The following SPATA6L variants were observed in gnomAD, a reference collection of about 807,000 sequenced individuals.
SPATA6L encodes spermatogenesis associated 6 like.
SPATA6L carries 68 observed loss-of-function variants against 49.2 expected under a neutral mutation model. That is an observed-to-expected ratio of 1.38 (90% CI 1.14 to 1.69). The LOEUF (loss-of-function observed/expected upper bound fraction) is 1.69. Ranked by LOEUF, SPATA6L falls within the 40% of genes most tolerant of loss-of-function variation. SPATA6L has a pLI of 0.00. For synonymous variants in SPATA6L, 198 were observed against 165.7 expected, an observed-to-expected ratio of 1.19 and a Z score of -1.50; for missense variants, 668 against 464.3, an observed-to-expected ratio of 1.44 and a Z score of -4.03.
chr9:4,634,308 T>G (rs1014933776), intron 4 of SPATA6L, among the ~76,000 whole-genome samples: 1 of 152,194 alleles, frequency 6.6e-6, no homozygotes, highest in African/African-American at 2.4e-5. Flanking sequence ...ACATGTACCA[T>G]GGATTTAAAT....
At chr9:4,633,873 C>T (rs941808836) in intron 4 of SPATA6L, 18 of 152,078 alleles carry the variant, frequency 1.2e-4, no homozygotes, top group Non-Finnish European at 2.2e-4. Flanking sequence ...GAAATTGAGT[C>T]CCTCTATCTA....
chr9:4,647,012 A>G (rs1415389651), intron 3 of SPATA6L, among the ~76,000 whole-genome samples: 1 of 152,066 alleles, frequency 6.6e-6, no homozygotes, highest in Non-Finnish European at 1.5e-5. Context: ...ACAAATCCCC[A>G]TGATACGGGT....
At chr9:4,595,270 T>G (rs773798147), downstream of SPATA6L, among the ~76,000 whole-genome samples, 1 of 152,112 alleles carries the variant, frequency 6.6e-6, no homozygotes, top group Non-Finnish European at 1.5e-5. Context: ...TAAGCACCCC[T>G]AAAATAAGTT....
At position 4,629,769 on chromosome 9, in the gene SPATA6L, G is replaced by GTATATATATA. The variant is rs35908661; in HGVS notation, c.352-611_352-602dup. Among the ~76,000 whole-genome samples the GTATATATATA allele has an allele frequency of 7.8e-3, 795 of 101,858 alleles. 8 individuals are homozygous for GTATATATATA. Among genetic ancestry groups the GTATATATATA allele is most frequent in the Middle Eastern group, 0.038 (7 of 182 alleles). The allele number at this position is 101,858 out of a possible 152,430, so 66.8% of individuals were successfully genotyped here. On this transcript the variant is annotated intron_variant, in intron 4 of 11. Coordinates refer to ENST00000682582, the MANE Select transcript of SPATA6L (RefSeq NM_001353486.2). Reference sequence around the variant, plus strand: ...GTGTTTTATATATGTGTGTGTGTGTGTATATATATATATATATATATATAT... The same window carrying GTATATATATA: ...GTGTTTTATATATGTGTGTGTGTGTGTATATATATATATATATATATATATATATATATAT...
At chr9:4,643,011 A>G (rs1437950266) in intron 3 of SPATA6L, among the ~76,000 whole-genome samples, 1 of 152,138 alleles carries the variant, frequency 6.6e-6, no homozygotes, top group East Asian at 1.9e-4. Context: ...ATATATTTTT[A>G]TCTATTTATT....
chr9:4,602,313 C>T (rs143371342), intron 11 of SPATA6L, among the ~76,000 whole-genome samples: 58 of 152,118 alleles, frequency 3.8e-4, no homozygotes, highest in African/African-American at 1.3e-3. Flanking sequence ...ATTGCCTAGA[C>T]GGCAATTATT....
downstream of SPATA6L, among the ~76,000 whole-genome samples, chr9:4,595,215 T>G (rs1822163998): frequency 6.6e-6 from 1 of 152,172 alleles, no homozygotes; most frequent in Non-Finnish European, 1.5e-5. Flanking sequence ...TAACCACTTC[T>G]TCCTTAAAAG....
intron 13 of SPATA6L, among the ~76,000 whole-genome samples, chr9:4,590,480 T>G (rs1490026310): frequency 1.3e-5 from 2 of 152,212 alleles, no homozygotes; most frequent in Non-Finnish European, 2.9e-5. Flanking sequence ...TGGTTTCATC[T>G]ACAAATCTCC....
chr9:4,659,859 C>A (rs922822665), intron 2 of SPATA6L, among the ~76,000 whole-genome samples: 3 of 152,028 alleles, frequency 2.0e-5, no homozygotes, highest in African/African-American at 7.2e-5. Flanking sequence ...GAACAGAGGC[C>A]CTCAGAAATA....
chr9:4,666,358 G>T lies in SPATA6L; in HGVS notation c.-108C>A. The T allele has an allele frequency of 8.4e-7, 1 of 1,196,660 alleles. No individual in the cohort carries two copies. Among genetic ancestry groups the T allele is most frequent in the Non-Finnish European group, 1.2e-6 (1 of 814,690 alleles). 74.1% of individuals were successfully genotyped at this position (1,196,660 alleles called of 1,614,324 possible). On this transcript the variant is annotated 5_prime_UTR_variant, in exon 1 of 12. Coordinates refer to ENST00000682582, the MANE Select transcript of SPATA6L (RefSeq NM_001353486.2). ...ATACCTAGAGCAAATGTTCCCAGAAGCTTCCCCAGTCCCACGCCCTTGTTC... is the reference window on the plus strand; with the variant it reads ...ATACCTAGAGCAAATGTTCCCAGAATCTTCCCCAGTCCCACGCCCTTGTTC...
chr9:4,605,341 T>G lies in SPATA6L; in HGVS notation c.1089+6A>C. 1 of 1,610,288 alleles carries G rather than the reference T, an allele frequency of 6.2e-7. No individual in the cohort carries two copies. Among genetic ancestry groups the G allele is most frequent in the Non-Finnish European group, 8.5e-7 (1 of 1,176,582 alleles). Reference sequence around the variant, plus strand: ...GCAAAGATCTAGTTTTATAAGAAAGTCTAACCTTGTTTTGGTGCAGCTGTG... The same window carrying G: ...GCAAAGATCTAGTTTTATAAGAAAGGCTAACCTTGTTTTGGTGCAGCTGTG... On this transcript the variant is annotated splice_donor_region_variant and intron_variant, in intron 10 of 11. Transcript: ENST00000682582.
At chr9:4,619,512 T>C (rs1383021031) in intron 7 of SPATA6L, among the ~76,000 whole-genome samples, 1 of 152,076 alleles carries the variant, frequency 6.6e-6, no homozygotes, top group Non-Finnish European at 1.5e-5. Flanking sequence ...CTAAAGTGAA[T>C]GAGTAAGTTC....
Position 4,592,370 on chromosome 9 carries a change from G to A in SPATA6L, c.*255-3409C>T, listed in dbSNP as rs74964537. ...GAACATTTTTATTTACTCAGCAGAC[G>A]TTGGCATTGCAATTACTATGTGGCA... On this transcript the variant is annotated intron_variant and NMD_transcript_variant, in intron 13 of 13. Coordinates refer to the SPATA6L transcript ENST00000461761. 9.8e-3 allele frequency among the ~76,000 whole-genome samples: 1,480 copies of A among 151,430 alleles called. 12 individuals are homozygous for A. Among genetic ancestry groups the A allele is most frequent in the East Asian group, 0.018 (95 of 5,152 alleles).
intron 2 of SPATA6L, among the ~76,000 whole-genome samples, chr9:4,658,698 A>G (rs1054220377): frequency 2.6e-5 from 4 of 152,146 alleles, no homozygotes; most frequent in African/African-American, 4.8e-5. Context: ...AAATATTTTT[A>G]AAGACTTTTA....
chr9:4,625,577 C>T lies in SPATA6L; in HGVS notation c.430-11G>A, dbSNP rs373864724. ...CTCATGTCTTTCTTCCTGAAATAAA[C>T]AAAAAAAGAATATTTTTTAAAATAA... On this transcript the variant is annotated splice_polypyrimidine_tract_variant and intron_variant, in intron 5 of 11. Transcript: ENST00000682582. 13 of 1,452,758 alleles carry T rather than the reference C, an allele frequency of 8.9e-6. No homozygotes were observed. Among genetic ancestry groups the T allele is most frequent in the East Asian group, 2.4e-5 (1 of 41,042 alleles). The allele number at this position is 1,452,758 out of a possible 1,614,324, so 90.0% of individuals were successfully genotyped here.
intron 7 of SPATA6L, among the ~76,000 whole-genome samples, chr9:4,619,753 G>A (rs1372275815): frequency 6.6e-6 from 1 of 151,910 alleles, no homozygotes; most frequent in African/African-American, 2.4e-5. Flanking sequence ...ATAGAACATA[G>A]CAAAAATGGA....
At chr9:4,646,660 C>A in intron 3 of SPATA6L, 1 of 420,640 alleles carries the variant, frequency 2.4e-6, no homozygotes, top group Non-Finnish European at 4.1e-6. Flanking sequence ...AAATAACTGC[C>A]AAACCAACAT....
intron 9 of SPATA6L, among the ~76,000 whole-genome samples, chr9:4,607,473 G>T (rs932428551): frequency 2.6e-5 from 4 of 152,206 alleles, no homozygotes; most frequent in African/African-American, 9.7e-5. Context: ...AGCCAGAAGA[G>T]AGTGGGGGCC....
chr9:4,627,898 T>C (rs1830651262), intron 5 of SPATA6L: 6 of 905,726 alleles, frequency 6.6e-6, no homozygotes, highest in Non-Finnish European at 9.4e-6. Context: ...GAAATTATAT[T>C]ACATACACAT....
Sources: gnomAD v4.1 joint callset for allele counts (sites outside exome capture counted in the v4.1 genomes callset) on GRCh38, gnomAD v4.1.1 for gene constraint, MANE v1.5 for transcripts, NCBI Gene and HGNC (gene_info 2026-07-23, HGNC 2026-07-21) for gene names.